The following SYNE2 variants were observed in gnomAD, a reference collection of about 807,000 sequenced individuals.
SYNE2 encodes spectrin repeat containing nuclear envelope protein 2.
Under a neutral mutation model 856.3 loss-of-function variants are expected in SYNE2, and 431 were observed. The observed-to-expected ratio is 0.50, with a 90% CI of 0.47 to 0.55. SYNE2 has a LOEUF of 0.55. Ranked by LOEUF, SYNE2 falls within the 20% of genes least tolerant of loss-of-function variation. The probability of loss-of-function intolerance (pLI) is 0.00; values close to 1 mark genes in which losing one functional copy is unlikely to be tolerated. For synonymous variants in SYNE2, 2,923 were observed against 2,872.3 expected (o/e 1.02, Z -0.56); for missense variants, 8,129 against 8,023.2 (o/e 1.01, Z -0.50).
intron 19 of SYNE2, among the ~76,000 whole-genome samples, chr14:63,989,869 C>T (rs2096654022): frequency 6.6e-6 from 1 of 152,000 alleles, no homozygotes; most frequent in Non-Finnish European, 1.5e-5. Context: ...AGGGTGGTCT[C>T]GAACTCCTGA....
chr14:63,904,919 C>T (rs951726142), intron 1 of SYNE2, among the ~76,000 whole-genome samples: 6 of 151,964 alleles, frequency 3.9e-5, no homozygotes, highest in Admixed American at 1.3e-4. Context: ...GGTTTTCTTC[C>T]AGGATTTTTA....
At position 64,042,173 on chromosome 14, in the gene SYNE2, A is replaced by T. The variant is rs188130933; in HGVS notation, c.7222-5827A>T. On this transcript the variant is annotated intron_variant, in intron 45 of 115. Transcript: ENST00000555002. Reference sequence around the variant, plus strand: ...AATGAACTAGATGTATAATCTGTTAACATGGATAAACCTCCAAACCTACTG... The same window carrying T: ...AATGAACTAGATGTATAATCTGTTATCATGGATAAACCTCCAAACCTACTG... Among the ~76,000 whole-genome samples the T allele has an allele frequency of 1.2e-3, 183 of 152,350 alleles. 1 individual carries two copies. Among genetic ancestry groups the T allele is most frequent in the East Asian group, 9.6e-4 (5 of 5,186 alleles).
intron 1 of SYNE2, among the ~76,000 whole-genome samples, chr14:63,791,512 T>C (rs1358118877): frequency 6.6e-6 from 1 of 152,190 alleles, no homozygotes; most frequent in Non-Finnish European, 1.5e-5. Context: ...CTCTTTACTT[T>C]AGAAGAGATG....
At chr14:64,038,350 T>A (rs2097117422) in intron 45 of SYNE2, among the ~76,000 whole-genome samples, 5 of 150,938 alleles carry the variant, frequency 3.3e-5, no homozygotes, top group Admixed American at 3.3e-4. Flanking sequence ...CGCTCCTCAC[T>A]TTCCAGACTG....
intron 58 of SYNE2, among the ~76,000 whole-genome samples, chr14:64,088,595 AC>A (rs1045560641): frequency 3.9e-5 from 6 of 152,102 alleles, no homozygotes; most frequent in Non-Finnish European, 8.8e-5. Flanking sequence ...CTACAGTAAG[AC>A]CCCCTTCTCC....
In SYNE2 at chr14:64,053,050, G is replaced by A. The variant is rs1171097296; in HGVS notation, c.9137G>A (p.Gly3046Asp). Residue 3046 changes from glycine to aspartate, a missense_variant, in exon 48 of 116, where the codon GGC (glycine) becomes GAC (aspartate). Physicochemically the swap from Gly to Asp is moderately conservative, Grantham distance 94. Transcript: ENST00000555002. ...KQLDTFEEEHGKYQALLSKMR... is the reference protein window; with the variant it reads ...KQLDTFEEEHDKYQALLSKMR... ...TTGGACACATTTGAGGAAGAACATG[G>A]CAAATATCAGGCATTATTAAGTAAA... 1 of 1,613,982 alleles carries A rather than the reference G, an allele frequency of 6.2e-7. No individual in the cohort carries two copies. The highest frequency in any genetic ancestry group is 2.2e-5 in the East Asian group (1 of 44,872).
intron 99 of SYNE2, among the ~76,000 whole-genome samples, chr14:64,194,779 G>T (rs1417906776): frequency 1.3e-5 from 2 of 152,194 alleles, no homozygotes; most frequent in Non-Finnish European, 2.9e-5. Context: ...ACAGAAAGAT[G>T]CAAGGTTAAC....
At chr14:64,013,421 A>G (rs1325061585) in intron 32 of SYNE2, among the ~76,000 whole-genome samples, 1 of 150,520 alleles carries the variant, frequency 6.6e-6, no homozygotes, top group Non-Finnish European at 1.5e-5. Context: ...AGTGGAACCT[A>G]TCACCCAAAT....
chr14:63,920,911 C>T (rs911749718), intron 2 of SYNE2, among the ~76,000 whole-genome samples: 1 of 151,738 alleles, frequency 6.6e-6, no homozygotes, highest in Non-Finnish European at 1.5e-5. Flanking sequence ...GCCAGGAGTT[C>T]GAGACCAGCC....
At chr14:64,028,569 T>G (rs2153542147) in intron 43 of SYNE2, among the ~76,000 whole-genome samples, 1 of 152,312 alleles carries the variant, frequency 6.6e-6, no homozygotes, top group African/African-American at 2.4e-5. Flanking sequence ...ATTTATCATT[T>G]TTAGATGAAA....
intron 67 of SYNE2, among the ~76,000 whole-genome samples, chr14:64,120,072 C>T (rs2097886591): frequency 6.6e-6 from 1 of 152,080 alleles, no homozygotes; most frequent in South Asian, 2.1e-4. Flanking sequence ...ATAAAGTGTT[C>T]TCATGATTTT....
In SYNE2 at chr14:64,224,550, A is replaced by G. The variant is rs1371796329; in HGVS notation, c.20469+3A>G. 3 of 1,613,932 alleles carry G rather than the reference A, an allele frequency of 1.9e-6. No individual in the cohort carries two copies. The Admixed American group carries it at 5.0e-5, about 27-fold the overall frequency. On this transcript the variant is annotated splice_donor_region_variant and intron_variant, in intron 114 of 115. Coordinates refer to ENST00000555002, the MANE Select transcript of SYNE2 (RefSeq NM_182914.3). Reference sequence around the variant, plus strand: ...CCGTGCCAGCTCCCCGAGCAAAGGTAAGAAGCCCCTTCCTTCTGTGAGAAC... The same window carrying G: ...CCGTGCCAGCTCCCCGAGCAAAGGTGAGAAGCCCCTTCCTTCTGTGAGAAC...
intron 55 of SYNE2, among the ~76,000 whole-genome samples, chr14:64,080,065 G>A (rs544301697): frequency 3.0e-4 from 45 of 150,974 alleles, no homozygotes; most frequent in Non-Finnish European, 2.4e-4. Context: ...GTGTGTGTGT[G>A]CGCGTGCGTG....
At chr14:64,191,143 T>TTTAAATTTATTATTTAAA (rs759601147) in intron 99 of SYNE2, 2 of 423,198 alleles carry the variant, frequency 4.7e-6, no homozygotes, top group South Asian at 5.6e-5. Context: ...TATCTTATTA[T>TTTAAATTTATTATTTAAA]TTAAATTTAT....
At chr14:63,953,126 C>T (rs2096189475) in intron 7 of SYNE2, among the ~76,000 whole-genome samples, 1 of 152,138 alleles carries the variant, frequency 6.6e-6, no homozygotes, top group Admixed American at 6.5e-5. Flanking sequence ...AGGCTTGCAT[C>T]CTGATGGGGA....
At chr14:64,175,926 C>A (rs1248125382) in intron 95 of SYNE2, among the ~76,000 whole-genome samples, 4 of 152,196 alleles carry the variant, frequency 2.6e-5, no homozygotes, top group Non-Finnish European at 4.4e-5. Context: ...CATTAACTAG[C>A]AAACATTTGT....
chr14:64,107,577 A>G lies in SYNE2; in HGVS notation c.12579A>G (p.Glu4193=). 1 of 1,614,212 alleles carries G rather than the reference A, an allele frequency of 6.2e-7. No individual in the cohort carries two copies. The stretch of plus-strand genomic sequence containing the variant: ...CACTAAACACTGAGCAAGGCCCAGA[A>G]TGTTCCCTAAGGCCCAACCAAACAG... ...PDSLNTEQGP[E]CSLRPNQTEE... Residue 4193 remains glutamate (E), a synonymous_variant, in exon 65 of 116, where the codon GAA becomes GAG. Transcript: ENST00000555002.
Position 64,052,092 on chromosome 14 carries a change from A to G in SYNE2, c.8179A>G (p.Ile2727Val), listed in dbSNP as rs767810781. The change falls in exon 48 of 116, where the codon ATT becomes GTT. Residue 2727 changes from isoleucine (I) to valine (V), a missense_variant. By Grantham distance (29) the Ile-to-Val change is conservative (BLOSUM62 3). This residue lies in a region of SYNE2 where 5,410 missense variants were observed against 5,284.8 expected (regional missense o/e 1.02). Transcript: ENST00000555002. ...ATTACACTTAGAAGCAGAAAATCAGATTAAGAAGTGTGACATAAGGAACAA... is the reference window on the plus strand; with the variant it reads ...ATTACACTTAGAAGCAGAAAATCAGGTTAAGAAGTGTGACATAAGGAACAA... ...EPLHLEAENQ[I>V]KKCDIRNKMK... 4.3e-6 allele frequency: 7 copies of G among 1,614,130 alleles called. No homozygotes were observed.
chr14:63,945,778 C>T (rs910068179), intron 6 of SYNE2, among the ~76,000 whole-genome samples: 1 of 152,184 alleles, frequency 6.6e-6, no homozygotes, highest in East Asian at 1.9e-4. Flanking sequence ...GTGTGTGTCA[C>T]TATGCCCAGC....
Sources: allele counts gnomAD v4.1 joint callset (sites outside exome capture counted in the v4.1 genomes callset), GRCh38; gene constraint gnomAD v4.1.1; regional missense constraint gnomAD v4.1.1; transcripts MANE v1.5; gene names NCBI Gene and HGNC (gene_info 2026-07-23, HGNC 2026-07-21).